The following SCARA3 variants were observed in gnomAD, a reference collection of about 807,000 sequenced individuals.
SCARA3 encodes the protein scavenger receptor class A member 3, also known as cellular stress response gene protein.
In SCARA3, 39 loss-of-function variants were observed where a neutral mutation model predicts 47.0. The observed-to-expected ratio is 0.83, with a 90% CI of 0.64 to 1.08. The LOEUF is 1.08. Among genes scored for constraint, SCARA3 ranks in the 50% least tolerant of loss-of-function variants. The probability of loss-of-function intolerance (pLI) is 0.00; values close to 1 mark genes in which losing one functional copy is unlikely to be tolerated. For missense variants in SCARA3, 724 were observed against 792.3 expected, an observed-to-expected ratio of 0.91 and a Z score of 1.04; for synonymous variants, 356 against 334.1, an observed-to-expected ratio of 1.07 and a Z score of -0.71.
chr8:27,665,584 C>T (rs377749370), intron 5 of SCARA3, among the ~76,000 whole-genome samples: 14 of 152,224 alleles, frequency 9.2e-5, no homozygotes, highest in African/African-American at 2.9e-4. Context: ...GTTGCCCAGA[C>T]TGGTCTCAAA....
downstream of SCARA3, among the ~76,000 whole-genome samples, chr8:27,674,363 GCTTCTGCCCTGCTGGCC>G (rs1228140353): frequency 2.6e-5 from 4 of 152,204 alleles, no homozygotes; most frequent in African/African-American, 9.7e-5. Flanking sequence ...GGCAGGTTGT[GCTTCTGCCCTGCTGGCC>G]CTTCATCACT....
chr8:27,646,972 G>GCCCCCCCCCCC (rs757314343), intron 1 of SCARA3, among the ~76,000 whole-genome samples: 2 of 23,482 alleles, frequency 8.5e-5, no homozygotes, highest in African/African-American at 1.7e-4. Context: ...GACCGCCCCC[G>GCCCCCCCCCCC]CCCCCCCCCC....
chr8:27,726,860 A>C, the SCARA3 span, among the ~76,000 whole-genome samples: 10 of 151,534 alleles, frequency 6.6e-5, no homozygotes, highest in Non-Finnish European at 1.0e-4. Flanking sequence ...ATCTTGCCTC[A>C]CTGCAACCTC....
chr8:27,683,042 A>C, the SCARA3 span, among the ~76,000 whole-genome samples: 1 of 152,276 alleles, frequency 6.6e-6, no homozygotes. Flanking sequence ...AAAACACACA[A>C]AAAACAAATG....
chr8:27,659,520 C>A lies in SCARA3; in HGVS notation c.1350C>A (p.Arg450=). The A allele has an allele frequency of 6.2e-7, 1 of 1,609,424 alleles. No homozygotes were observed. ...ACACACAGCATGGAGAAATCCTTCG[C>A]AATGTCACCATCCTACGAGGTAAGA... ...AVDTQHGEIL[R]NVTILRGAPG... is the part of the protein sequence containing the mutation. The change falls in exon 5 of 6, where the codon CGC becomes CGA. Residue 450 remains arginine (R), a synonymous_variant. Transcript: ENST00000301904.
downstream of SCARA3, chr8:27,676,528 A>AAATATG (rs1419405960): frequency 1.9e-6 from 3 of 1,607,262 alleles, no homozygotes; most frequent in South Asian, 3.3e-5. Context: ...GGAACAAACT[A>AAATATG]TTAAATATTA....
At chr8:27,659,658 C>A in intron 5 of SCARA3, 119 bp downstream of exon 5, 2 of 795,472 alleles carry the variant, frequency 2.5e-6, no homozygotes, top group Non-Finnish European at 3.9e-6. Flanking sequence ...AATCCTATAG[C>A]AAATGCCTAC....
chr8:27,664,398 T>C (rs910251370), intron 5 of SCARA3, among the ~76,000 whole-genome samples: 11 of 152,206 alleles, frequency 7.2e-5, no homozygotes, highest in Non-Finnish European at 1.5e-4. Context: ...TGTTGGTGAC[T>C]CTATTTATAG....
chr8:27,675,907 G>T (rs1180289261), downstream of SCARA3, among the ~76,000 whole-genome samples: 1 of 152,098 alleles, frequency 6.6e-6, no homozygotes, highest in Non-Finnish European at 1.5e-5. Flanking sequence ...GTGGGGAGGT[G>T]GGGGAGGAAC....
chr8:27,727,409 G>T, the SCARA3 span, among the ~76,000 whole-genome samples: 3 of 152,194 alleles, frequency 2.0e-5, no homozygotes, highest in Admixed American at 6.5e-5. Context: ...CGAGACCAGG[G>T]TTTACTCTCT....
intron 4 of SCARA3, among the ~76,000 whole-genome samples, chr8:27,658,246 A>G (rs1469804009): frequency 6.6e-6 from 1 of 152,188 alleles, no homozygotes; most frequent in Non-Finnish European, 1.5e-5. Flanking sequence ...ATTCTTGAGA[A>G]TTTGGTGGTG....
downstream of SCARA3, among the ~76,000 whole-genome samples, chr8:27,677,948 T>C (rs554688562): frequency 2.6e-5 from 4 of 152,322 alleles, no homozygotes; most frequent in African/African-American, 9.6e-5. Context: ...TAGTTGCTCA[T>C]GAGTCAAATA....
chr8:27,679,080 A>G (rs1363366801), downstream of SCARA3, among the ~76,000 whole-genome samples: 1 of 151,870 alleles, frequency 6.6e-6, no homozygotes, highest in Non-Finnish European at 1.5e-5. Flanking sequence ...AGTTTTCTTC[A>G]TGTTGTTGCT....
chr8:27,638,105 C>A (rs1157283372), intron 1 of SCARA3, among the ~76,000 whole-genome samples: 1 of 152,124 alleles, frequency 6.6e-6, no homozygotes, highest in Non-Finnish European at 1.5e-5. Flanking sequence ...TGGGGGTAAG[C>A]CTAATAACTG....
At chr8:27,729,438 T>A in the SCARA3 span, among the ~76,000 whole-genome samples, 1 of 152,022 alleles carries the variant, frequency 6.6e-6, no homozygotes, top group African/African-American at 2.4e-5. Context: ...CTATTCCTCA[T>A]CTCCCAGTGG....
At chr8:27,719,692 G>A in the SCARA3 span, among the ~76,000 whole-genome samples, 1 of 152,152 alleles carries the variant, frequency 6.6e-6, no homozygotes, top group Non-Finnish European at 1.5e-5. Flanking sequence ...ACACAGGAGA[G>A]GTGCTTGGTA....
the SCARA3 span, among the ~76,000 whole-genome samples, chr8:27,724,550 TGA>T: frequency 6.6e-6 from 1 of 152,102 alleles, no homozygotes; most frequent in African/African-American, 2.4e-5. Context: ...CCCAGCTACT[TGA>T]GAGGCTGAGG....
Position 27,670,909 on chromosome 8 carries a change from G to C in SCARA3, c.1379G>C (p.Gly460Ala), listed in dbSNP as rs1802133239. Residue 460 changes from glycine (G) to alanine (A), a missense_variant, in exon 6 of 6, where the codon GGC becomes GCC. Physicochemically the swap from Gly to Ala is moderately conservative, Grantham distance 60. Coordinates refer to ENST00000301904, the MANE Select transcript of SCARA3 (RefSeq NM_016240.3). ...RNVTILRGAP[G>A]PPGPRGFKGD... ...TTCTCTCCAACCTCAGGTGCCCCCG[G>C]CCCTCCAGGACCAAGAGGATTCAAA... The C allele has an allele frequency of 6.5e-7, 1 of 1,526,762 alleles. No individual in the cohort carries two copies. The highest frequency in any genetic ancestry group is 1.4e-5 in the African/African-American group (1 of 71,062). The allele number at this position is 1,526,762 out of a possible 1,614,324, so 94.6% of individuals were successfully genotyped here. A position where few individuals can be genotyped will look rare whatever the true frequency, so the allele number is the denominator to read the frequency against.
At chr8:27,718,861 TGTAATTCCTG>T in the SCARA3 span, among the ~76,000 whole-genome samples, 2 of 152,232 alleles carry the variant, frequency 1.3e-5, no homozygotes, top group Non-Finnish European at 2.9e-5. Context: ...AAACACAGAA[TGTAATTCCTG>T]TGTCCTTCTT....
Sources: gnomAD v4.1 joint callset for allele counts (sites outside exome capture counted in the v4.1 genomes callset) on GRCh38, gnomAD v4.1.1 for gene constraint, MANE v1.5 for transcripts, NCBI Gene and HGNC (gene_info 2026-07-23, HGNC 2026-07-21) for gene names.